ASTN2: variants seen among roughly 807,000 people sequenced by gnomAD.
The protein encoded by ASTN2 is astrotactin-2.
ASTN2 carries 54 observed loss-of-function variants against 139.8 expected under a neutral mutation model. The ratio of observed to expected loss-of-function variants is 0.39; its 90% CI spans 0.31 to 0.48. ASTN2 has a LOEUF of 0.48. Among genes scored for constraint, ASTN2 ranks in the 20% least tolerant of loss-of-function variants. The pLI, the probability that ASTN2 is intolerant of heterozygous loss-of-function variation, is 0.95. For synonymous variants in ASTN2, 756 were observed against 719.5 expected (o/e 1.05, Z -0.81); for missense variants, 1,565 against 1,725.1 (o/e 0.91, Z 1.64).
intron 13 of ASTN2, among the ~76,000 whole-genome samples, chr9:116,743,887 T>C (rs1829164196): frequency 6.6e-6 from 1 of 152,236 alleles, no homozygotes; most frequent in South Asian, 2.1e-4. Context: ...AGTGTTTTTG[T>C]ATACTGAGTT....
intron 3 of ASTN2, among the ~76,000 whole-genome samples, chr9:117,145,802 T>C (rs1339937026): frequency 6.6e-6 from 1 of 152,212 alleles, no homozygotes; most frequent in Non-Finnish European, 1.5e-5. Flanking sequence ...CCTTGACTGA[T>C]ATATCATTCA....
intron 19 of ASTN2, among the ~76,000 whole-genome samples, chr9:116,503,007 G>A (rs1231290088): frequency 7.1e-6 from 1 of 140,010 alleles, no homozygotes; most frequent in Non-Finnish European, 1.5e-5. Flanking sequence ...AGGGAAGGAA[G>A]GAAGATGAAA....
intron 3 of ASTN2, among the ~76,000 whole-genome samples, chr9:117,211,503 C>A (rs970447598): frequency 2.0e-5 from 3 of 152,148 alleles, no homozygotes; most frequent in African/African-American, 7.2e-5. Flanking sequence ...CCTGCTGTGC[C>A]ATGTGAAGAA....
intron 10 of ASTN2, among the ~76,000 whole-genome samples, chr9:116,950,689 C>G (rs151274583): frequency 6.6e-6 from 1 of 152,070 alleles, no homozygotes; most frequent in Non-Finnish European, 1.5e-5. Flanking sequence ...CTCCAGCCCC[C>G]CTTCTCTTTT....
chr9:116,999,717 G>A (rs1414707582), intron 7 of ASTN2, among the ~76,000 whole-genome samples: 3 of 151,752 alleles, frequency 2.0e-5, no homozygotes, highest in African/African-American at 4.8e-5. Context: ...GTACCACCAC[G>A]CTCAGCTAAT....
intron 21 of ASTN2, 59 bp downstream of exon 21, chr9:116,442,394 G>C: frequency 1.5e-6 from 2 of 1,304,170 alleles, no homozygotes; most frequent in African/African-American, 1.5e-5. Flanking sequence ...TGACTGTTGG[G>C]TGCAGAACTT....
intron 5 of ASTN2, among the ~76,000 whole-genome samples, chr9:117,084,255 A>G (rs972235564): frequency 1.3e-5 from 2 of 152,088 alleles, no homozygotes; most frequent in Non-Finnish European, 2.9e-5. Context: ...GGGAATCCAA[A>G]CTCCCAGTTT....
chr9:116,878,335 A>C (rs1053503269), intron 10 of ASTN2, among the ~76,000 whole-genome samples: 9 of 152,246 alleles, frequency 5.9e-5, no homozygotes, highest in Non-Finnish European at 1.2e-4. Context: ...TGGATAAAGA[A>C]AATGTGGTAC....
Position 116,600,077 on chromosome 9 carries a change from C to T in ASTN2, c.3355+18247G>A, listed in dbSNP as rs150586968. Among the ~76,000 whole-genome samples the T allele has an allele frequency of 7.2e-5, 11 of 152,132 alleles. No homozygotes were observed. In the East Asian group the frequency reaches 1.9e-3, roughly 27 times the overall value. On this transcript the variant is annotated intron_variant, in intron 19 of 22. Coordinates refer to ENST00000313400, the MANE Select transcript of ASTN2 (RefSeq NM_001365068.1). Reference sequence around the variant, plus strand: ...GTGGCTAATGCCTGTAATCGCAGTACTTTGGGAGGTCAAGGTGGGTGGATC... The same window carrying T: ...GTGGCTAATGCCTGTAATCGCAGTATTTTGGGAGGTCAAGGTGGGTGGATC...
chr9:117,044,013 A>G (rs1838661097), intron 5 of ASTN2, among the ~76,000 whole-genome samples: 1 of 152,170 alleles, frequency 6.6e-6, no homozygotes, highest in Non-Finnish European at 1.5e-5. Flanking sequence ...CACCTAGAAA[A>G]TAGTAACACA....
At chr9:116,544,699 C>T (rs1015800285) in intron 19 of ASTN2, among the ~76,000 whole-genome samples, 3 of 152,052 alleles carry the variant, frequency 2.0e-5, no homozygotes, top group African/African-American at 7.2e-5. Context: ...CTTTTGACAC[C>T]AAAGGTCACA....
chr9:116,659,664 T>C (rs1858436581), intron 16 of ASTN2, among the ~76,000 whole-genome samples: 1 of 152,054 alleles, frequency 6.6e-6, no homozygotes, highest in South Asian at 2.1e-4. Flanking sequence ...TATCTTCCCA[T>C]TACCTCCCAC....
chr9:116,482,330 C>T (rs1024452468), intron 20 of ASTN2, among the ~76,000 whole-genome samples: 2 of 151,886 alleles, frequency 1.3e-5, no homozygotes, highest in Admixed American at 1.3e-4. Context: ...CGTCTCAAAA[C>T]AAAACAAAAC....
chr9:116,608,284 T>A (rs779639756), intron 19 of ASTN2, among the ~76,000 whole-genome samples: 12 of 152,198 alleles, frequency 7.9e-5, no homozygotes, highest in East Asian at 1.9e-4. Context: ...TACTGATTGA[T>A]GTATGTACAT....
chr9:116,876,037 T>C (rs1172398991), intron 10 of ASTN2, among the ~76,000 whole-genome samples: 1 of 152,364 alleles, frequency 6.6e-6, no homozygotes, highest in East Asian at 1.9e-4. Flanking sequence ...TTTTCATAGA[T>C]AGTGATTTTT....
intron 6 of ASTN2, among the ~76,000 whole-genome samples, chr9:117,019,064 G>C (rs951247835): frequency 2.6e-4 from 39 of 151,846 alleles, no homozygotes; most frequent in Non-Finnish European, 4.7e-4. Flanking sequence ...TAAGATTTCT[G>C]GTTGTTGTAT....
intron 2 of ASTN2, among the ~76,000 whole-genome samples, chr9:117,288,670 TTAAATG>T (rs1834508838): frequency 6.6e-6 from 1 of 152,174 alleles, no homozygotes; most frequent in African/African-American, 2.4e-5. Flanking sequence ...CCCAGCCATC[TTAAATG>T]TAAACACTCT....
At chr9:117,081,103 C>T (rs2132725160) in intron 5 of ASTN2, among the ~76,000 whole-genome samples, 1 of 152,262 alleles carries the variant, frequency 6.6e-6, no homozygotes, top group Non-Finnish European at 1.5e-5. Context: ...AAGAAAAATC[C>T]TTCGCCAGTG....
At chr9:117,119,716 C>T (rs1284597381) in intron 4 of ASTN2, among the ~76,000 whole-genome samples, 1 of 151,792 alleles carries the variant, frequency 6.6e-6, no homozygotes, top group African/African-American at 2.4e-5. Context: ...GACACTAATC[C>T]TCACCTCACC....
Sources: gnomAD v4.1 joint callset for allele counts (sites outside exome capture counted in the v4.1 genomes callset) on GRCh38, gnomAD v4.1.1 for gene constraint, MANE v1.5 for transcripts, NCBI Gene and HGNC (gene_info 2026-07-23, HGNC 2026-07-21) for gene names.